OTULIN: variants seen among roughly 807,000 people sequenced by gnomAD.
The protein encoded by OTULIN is ubiquitin thioesterase otulin.
OTULIN carries 15 observed loss-of-function variants against 39.6 expected under a neutral mutation model. The observed-to-expected ratio is 0.38, with a 90% CI of 0.25 to 0.58. The LOEUF is 0.58. Ranked by LOEUF, OTULIN falls within the 20% of genes least tolerant of loss-of-function variation. OTULIN has a pLI of 0.66. For synonymous variants in OTULIN, 156 were observed against 170.3 expected (o/e 0.92, Z 0.65); for missense variants, 319 against 445.9 (o/e 0.72, Z 2.56).
chr5:14,676,899 A>G (rs1223831977), intron 2 of OTULIN, among the ~76,000 whole-genome samples: 1 of 152,196 alleles, frequency 6.6e-6, no homozygotes, highest in Admixed American at 6.5e-5. Context: ...ATTAAAAAAA[A>G]TGAAGATTCT....
At chr5:14,701,307 G>T (rs1736791439), downstream of OTULIN, among the ~76,000 whole-genome samples, 1 of 152,190 alleles carries the variant, frequency 6.6e-6, no homozygotes, top group Non-Finnish European at 1.5e-5. Context: ...ACTGAGCCCT[G>T]TCCACACCCC....
chr5:14,679,047 G>T (rs987574898), intron 3 of OTULIN, among the ~76,000 whole-genome samples: 2 of 152,184 alleles, frequency 1.3e-5, no homozygotes, highest in Admixed American at 6.5e-5. Context: ...GCCAGCTCTT[G>T]GTTGTCCTCT....
intron 3 of OTULIN, 46 bp downstream of exon 3, chr5:14,678,821 T>A (rs370428905): frequency 7.7e-7 from 1 of 1,294,822 alleles, no homozygotes; most frequent in Non-Finnish European, 1.1e-6. Context: ...AAATAGTCTA[T>A]CATAAGTTGT....
intron 1 of OTULIN, among the ~76,000 whole-genome samples, chr5:14,668,663 G>A (rs1380069733): frequency 6.6e-6 from 1 of 152,208 alleles, no homozygotes; most frequent in African/African-American, 2.4e-5. Context: ...ATTAAAAAAA[G>A]CCATACTTAG....
rs33978265 is a variant in OTULIN at position 14,692,679 on chromosome 5, C to CT, written c.865-160dup. 0.83 allele frequency among the ~76,000 whole-genome samples: 119,405 copies of CT among 143,196 alleles called. 49,924 individuals carry two copies. Among genetic ancestry groups the CT allele is most frequent in the Middle Eastern group, 0.93 (257 of 276 alleles). The allele number at this position is 143,196 out of a possible 152,430, so 93.9% of individuals were successfully genotyped here. A position where few individuals can be genotyped will look rare whatever the true frequency, so the allele number is the denominator to read the frequency against. The stretch of plus-strand genomic sequence containing the variant: ...CATATGATCCATTCTTGATTATCTG[C>CT]TTTTTTTTTTTTTTTATTTAAATCG... On this transcript the variant is annotated intron_variant, in intron 6 of 6. Coordinates refer to ENST00000284274, the MANE Select transcript of OTULIN (RefSeq NM_138348.6).
the OTULIN span, chr5:14,711,161 C>A: frequency 6.6e-7 from 1 of 1,520,112 alleles, no homozygotes; most frequent in African/African-American, 1.4e-5. Flanking sequence ...GTCATCCTGA[C>A]TGACTGTCCC....
downstream of OTULIN, among the ~76,000 whole-genome samples, chr5:14,701,593 C>G (rs759243018): frequency 9.2e-5 from 14 of 152,268 alleles, no homozygotes; most frequent in South Asian, 1.0e-3. Context: ...GCAAAGAAAC[C>G]ATCTCTACAA....
At chr5:14,676,191 C>G (rs987706522) in intron 2 of OTULIN, among the ~76,000 whole-genome samples, 1 of 152,308 alleles carries the variant, frequency 6.6e-6, no homozygotes, top group African/African-American at 2.4e-5. Context: ...AAAGATGAAG[C>G]CTCTTGGTTA....
Position 14,664,886 on chromosome 5 carries a change from C to G in OTULIN, c.61C>G (p.Pro21Ala), listed in dbSNP as rs1415319938. The G allele has an allele frequency of 3.4e-6, 4 of 1,190,120 alleles. No individual in the cohort carries two copies. Among genetic ancestry groups the G allele is most frequent in the Non-Finnish European group, 1.0e-6 (1 of 961,726 alleles). The allele number at this position is 1,190,120 out of a possible 1,614,324, so 73.7% of individuals were successfully genotyped here. A position where few individuals can be genotyped will look rare whatever the true frequency, so the allele number is the denominator to read the frequency against. ...GCCAGGCGCGAGCTGCGCCGAGACG[C>G]CGGCGCGGGAGGCGGCGGCCACGGC... ...AWPGASCAET[P>A]AREAAATARD... The change falls in exon 1 of 7, where the codon CCG becomes GCG. Residue 21 changes from proline (P) to alanine (A), a missense_variant. Pro to Ala is a conservative substitution (Grantham distance 27). This residue lies in a region of OTULIN where 132 missense variants were observed against 143.7 expected (regional missense o/e 0.92). Transcript: ENST00000284274.
chr5:14,678,763 G>C lies in OTULIN; in HGVS notation c.312G>C (p.Thr104=), dbSNP rs376880523. ...GGAGAGGAAATACACAGAAAGCAAC[G>C]TGTATGAAAATGGTATGACACAGAG... is the stretch of plus-strand genomic sequence containing the variant. The part of the protein sequence containing the change: ...KEWRGNTQKA[T]CMKMGYEEVS... Residue 104 remains threonine (T), a synonymous_variant, in exon 3 of 7, where the codon ACG becomes ACC. Coordinates refer to ENST00000284274, the MANE Select transcript of OTULIN (RefSeq NM_138348.6). The C allele has an allele frequency of 1.2e-6, 2 of 1,606,572 alleles. No individual in the cohort carries two copies. The highest frequency in any genetic ancestry group is 4.5e-5 in the East Asian group (2 of 44,756).
rs912437358 is a variant in OTULIN, at chr5:14,678,868, A to C, written c.324+93A>C. ...TTTGATATTTTTAGACATTAGTTAA[A>C]ATGACTGCTATAGACGTTGTTATTG... is the stretch of plus-strand genomic sequence containing the variant. On this transcript the variant is annotated intron_variant, in intron 3 of 6. Transcript: ENST00000284274. 1.2e-4 allele frequency: 91 copies of C among 775,138 alleles called. 1 individual carries two copies. Among genetic ancestry groups the C allele is most frequent in the Non-Finnish European group, 1.8e-4 (87 of 492,480 alleles). The allele number at this position is 775,138 out of a possible 1,614,324, so 48.0% of individuals were successfully genotyped here.
intron 4 of OTULIN, among the ~76,000 whole-genome samples, chr5:14,684,191 A>G (rs1394060332): frequency 6.6e-6 from 1 of 152,212 alleles, no homozygotes; most frequent in Non-Finnish European, 1.5e-5. Context: ...CAGAGAGGGA[A>G]AACACAGTGT....
At chr5:14,709,783 T>G in the OTULIN span, 1 of 152,670 alleles carries the variant, frequency 6.6e-6, no homozygotes, top group Non-Finnish European at 1.5e-5. Flanking sequence ...ACGTTTCAAC[T>G]GCAGGTATGT....
At chr5:14,703,295 C>T (rs1405278196), downstream of OTULIN, among the ~76,000 whole-genome samples, 1 of 135,384 alleles carries the variant, frequency 7.4e-6, no homozygotes, top group Non-Finnish European at 1.5e-5. Context: ...CCAACCTTCC[C>T]TGCACCTTAG....
At chr5:14,711,390 C>T in the OTULIN span, 54 of 1,292,114 alleles carry the variant, frequency 4.2e-5, no homozygotes, top group Middle Eastern at 2.3e-4. Context: ...GAGACAACAC[C>T]GGGGTCTTGG....
In OTULIN at chr5:14,673,703, G is replaced by T; in HGVS notation, c.214G>T (p.Glu72Ter). The T allele has an allele frequency of 6.2e-7, 1 of 1,613,648 alleles. No individual in the cohort carries two copies. Among genetic ancestry groups the T allele is most frequent in the South Asian group, 1.1e-5 (1 of 91,042 alleles). ...IEKEKELLIH[E>*]RGASEPRLSV... ...AAAGGAGAAAGAATTGCTTATACATGAAAGAGGGGCATCAGGTATGTTTGG... is the reference window on the plus strand; with the variant it reads ...AAAGGAGAAAGAATTGCTTATACATTAAAGAGGGGCATCAGGTATGTTTGG... Residue 72 changes from glutamate (E) to a stop codon, truncating the protein, a stop_gained, in exon 2 of 7, where the codon GAA becomes TAA. Transcript: ENST00000284274. LOFTEE classifies it high-confidence loss of function.
intron 1 of OTULIN, among the ~76,000 whole-genome samples, chr5:14,669,814 A>G (rs967154766): frequency 6.6e-6 from 1 of 152,206 alleles, no homozygotes; most frequent in African/African-American, 2.4e-5. Context: ...AATTATTTTT[A>G]AGTTGTACAT....
At chr5:14,711,134 A>G in the OTULIN span, 42 of 1,309,896 alleles carry the variant, frequency 3.2e-5, no homozygotes, top group Middle Eastern at 1.8e-4. Context: ...GGGAGAGGGA[A>G]GAGATGATGC....
downstream of OTULIN, among the ~76,000 whole-genome samples, chr5:14,702,983 T>G (rs1175141379): frequency 6.6e-6 from 1 of 152,162 alleles, no homozygotes; most frequent in Admixed American, 6.5e-5. Context: ...ACACGGCACC[T>G]CCGCCTTTGT....
Sources: allele counts gnomAD v4.1 joint callset (sites outside exome capture counted in the v4.1 genomes callset), GRCh38; gene constraint gnomAD v4.1.1; regional missense constraint gnomAD v4.1.1; transcripts MANE v1.5; gene names NCBI Gene and HGNC (gene_info 2026-07-23, HGNC 2026-07-21).